The following TAFA5 variants were observed in gnomAD, a reference collection of about 807,000 sequenced individuals.
TAFA5 encodes the protein chemokine-like protein TAFA-5.
TAFA5 carries 6 observed loss-of-function variants against 15.3 expected under a neutral mutation model. That is an observed-to-expected ratio of 0.39 (90% CI 0.21 to 0.77). The LOEUF is 0.77. Among genes scored for constraint, TAFA5 ranks in the 30% least tolerant of loss-of-function variants. TAFA5 has a pLI of 0.41. For missense variants in TAFA5, 161 were observed against 193.1 expected (o/e 0.83, Z 0.98); for synonymous variants, 103 against 80.7 (o/e 1.28, Z -1.48).
intron 1 of TAFA5, among the ~76,000 whole-genome samples, chr22:48,507,039 G>T (rs1199009381): frequency 6.6e-6 from 1 of 151,354 alleles, no homozygotes; most frequent in Non-Finnish European, 1.5e-5. Flanking sequence ...GGGGACAGCC[G>T]CCAAGAGCCA....
chr22:48,617,131 C>A (rs73427989), intron 1 of TAFA5, among the ~76,000 whole-genome samples: 7,800 of 152,222 alleles, frequency 0.051, 654 homozygotes, highest in African/African-American at 0.18. Context: ...TGTGTCATTT[C>A]GCCAGGCAAG....
chr22:48,606,966 A>G (rs1274445051), intron 1 of TAFA5, among the ~76,000 whole-genome samples: 1 of 152,160 alleles, frequency 6.6e-6, no homozygotes, highest in Non-Finnish European at 1.5e-5. Context: ...GCAAGCAGTA[A>G]CCCATGTCCT....
chr22:48,724,113 C>T (rs5771751), intron 3 of TAFA5, among the ~76,000 whole-genome samples: 46,330 of 151,062 alleles, frequency 0.31, 8,084 homozygotes, highest in Non-Finnish European at 0.41. Flanking sequence ...TCAGGGTTCT[C>T]GTTGCATTGC....
chr22:48,691,073 G>C (rs956845244), intron 2 of TAFA5, among the ~76,000 whole-genome samples: 1 of 152,314 alleles, frequency 6.6e-6, no homozygotes, highest in East Asian at 1.9e-4. Context: ...CAGGAAGCAC[G>C]AAGCCAGTCC....
intron 1 of TAFA5, among the ~76,000 whole-genome samples, chr22:48,531,405 G>A (rs1049783191): frequency 6.6e-6 from 1 of 152,152 alleles, no homozygotes. Context: ...TGCAGACAAC[G>A]TGAGTCTTGC....
At chr22:48,569,407 C>T (rs5768733) in intron 1 of TAFA5, among the ~76,000 whole-genome samples, 5,690 of 152,146 alleles carry the variant, frequency 0.037, 300 homozygotes, top group East Asian at 0.23. Context: ...GGGGTGTCTC[C>T]GGGGGGTCTG....
chr22:48,729,404 ATATT>A (rs1194510041), intron 3 of TAFA5, among the ~76,000 whole-genome samples: 3 of 72,404 alleles, frequency 4.1e-5, no homozygotes, highest in African/African-American at 7.2e-5. Context: ...AGTCATAAAT[ATATT>A]TATATTATAA....
intron 1 of TAFA5, among the ~76,000 whole-genome samples, chr22:48,558,997 G>A (rs557193662): frequency 7.1e-4 from 108 of 152,358 alleles, no homozygotes; most frequent in Middle Eastern, 3.4e-3. Flanking sequence ...GGCATTTGGA[G>A]GTGACAAGGT....
At chr22:48,561,367 G>A (rs1019743392) in intron 1 of TAFA5, among the ~76,000 whole-genome samples, 1 of 152,162 alleles carries the variant, frequency 6.6e-6, no homozygotes, top group South Asian at 2.1e-4. Context: ...TCCTCAGACT[G>A]CTCCGTAGAT....
chr22:48,740,782 C>T (rs1443716370), intron 3 of TAFA5, among the ~76,000 whole-genome samples: 1 of 152,158 alleles, frequency 6.6e-6, no homozygotes, highest in East Asian at 1.9e-4. Flanking sequence ...GCAGGGTCTG[C>T]AGGCACCGTG....
At chr22:48,491,798 T>G (rs1928162627) in intron 1 of TAFA5, among the ~76,000 whole-genome samples, 1 of 152,222 alleles carries the variant, frequency 6.6e-6, no homozygotes, top group Non-Finnish European at 1.5e-5. Flanking sequence ...GCCTGCTGCT[T>G]AGACACGCTG....
chr22:48,536,712 G>A (rs1922178727), intron 1 of TAFA5, among the ~76,000 whole-genome samples: 1 of 152,244 alleles, frequency 6.6e-6, no homozygotes, highest in Non-Finnish European at 1.5e-5. Context: ...GCTGCGGGGA[G>A]GACAGAGTGC....
intron 1 of TAFA5, among the ~76,000 whole-genome samples, chr22:48,599,289 T>G (rs1191751678): frequency 6.6e-6 from 1 of 152,190 alleles, no homozygotes; most frequent in African/African-American, 2.4e-5. Flanking sequence ...TGAGACTCCC[T>G]AGGGCCCTGG....
chr22:48,555,187 G>A (rs1220181841), intron 1 of TAFA5, among the ~76,000 whole-genome samples: 2 of 152,228 alleles, frequency 1.3e-5, no homozygotes, highest in African/African-American at 2.4e-5. Flanking sequence ...CCGAGTGAAG[G>A]GAGGGAGGAT....
chr22:48,662,484 G>GA (rs1191203603), intron 2 of TAFA5, among the ~76,000 whole-genome samples: 3 of 129,370 alleles, frequency 2.3e-5, no homozygotes, highest in Non-Finnish European at 4.9e-5. Flanking sequence ...AGTGTGTGAT[G>GA]GGGGTGATTC....
At chr22:48,743,957 G>A (rs544062631) in intron 3 of TAFA5, among the ~76,000 whole-genome samples, 3 of 152,346 alleles carry the variant, frequency 2.0e-5, no homozygotes, top group Non-Finnish European at 2.9e-5. Context: ...CACACCAGTC[G>A]TGATGAGTTT....
Position 48,598,606 on chromosome 22 carries a change from C to T in TAFA5, c.113-47991C>T, listed in dbSNP as rs1924853807. Among the ~76,000 whole-genome samples the T allele has an allele frequency of 6.6e-6, 1 of 152,216 alleles. No individual in the cohort carries two copies. Among genetic ancestry groups the T allele is most frequent in the Non-Finnish European group, 1.5e-5 (1 of 68,044 alleles). ...TGTCACCGGCTGACCTGGTTTCACT[C>T]ACACTTCTGACACCAAATGTGTCAG... is the stretch of plus-strand genomic sequence containing the variant. On this transcript the variant is annotated intron_variant, in intron 1 of 3. Coordinates refer to ENST00000402357, the MANE Select transcript of TAFA5 (RefSeq NM_001082967.3). This position sits in a 1 kb window ranked among gnomAD's most constrained non-coding sequence, Gnocchi z 4.0.
At chr22:48,630,707 A>G (rs1018923615) in intron 1 of TAFA5, among the ~76,000 whole-genome samples, 12 of 152,162 alleles carry the variant, frequency 7.9e-5, no homozygotes, top group Non-Finnish European at 7.4e-5. Flanking sequence ...TAGAAGCCAC[A>G]CAGGCTGCAG....
chr22:48,712,327 G>T (rs113342271), intron 3 of TAFA5, among the ~76,000 whole-genome samples: 99 of 152,332 alleles, frequency 6.5e-4, no homozygotes, highest in African/African-American at 2.3e-3. Flanking sequence ...AAAGTGCTGG[G>T]ATTACAGGCG....
Sources: allele counts gnomAD v4.1 joint callset (sites outside exome capture counted in the v4.1 genomes callset), GRCh38; gene constraint gnomAD v4.1.1; non-coding constraint Gnocchi (gnomAD v3.1); transcripts MANE v1.5; gene names NCBI Gene and HGNC (gene_info 2026-07-23, HGNC 2026-07-21).